CDH12: variants seen among roughly 807,000 people sequenced by gnomAD.
The protein encoded by CDH12 is cadherin-12.
CDH12 carries 41 observed loss-of-function variants against 74.1 expected under a neutral mutation model. That is an observed-to-expected ratio of 0.55 (90% CI 0.43 to 0.72). The LOEUF (loss-of-function observed/expected upper bound fraction) is 0.72, where lower values mean the gene tolerates loss of function less well. Among genes scored for constraint, CDH12 ranks in the 30% least tolerant of loss-of-function variants. The pLI, the probability that CDH12 is intolerant of heterozygous loss-of-function variation, is 0.00. For missense variants in CDH12, 945 were observed against 977.2 expected, an observed-to-expected ratio of 0.97 and a Z score of 0.44; for synonymous variants, 399 against 355.0, an observed-to-expected ratio of 1.12 and a Z score of -1.39.
chr5:22,212,834 G>GCAACACACGCCGAGGGTTGGTGGGTCTCC lies in CDH12; in HGVS notation c.-332-220_-332-192dup, dbSNP rs1163994546. The GCAACACACGCCGAGGGTTGGTGGGTCTCC allele has an allele frequency of 9.0e-5, 14 of 155,350 alleles. No individual in the cohort carries two copies. The East Asian group carries it at 2.7e-3, about 30-fold the overall frequency. 9.6% of individuals were successfully genotyped at this position (155,350 alleles called of 1,614,324 possible). On this transcript the variant is annotated intron_variant, in intron 3 of 14. Transcript: ENST00000382254. ...TAGCAAGAACGCTCCGGGTGCGCAGGCAACACACGCCGAGGGTTGGTGGGT... is the reference window on the plus strand; with the variant it reads ...TAGCAAGAACGCTCCGGGTGCGCAGGCAACACACGCCGAGGGTTGGTGGGTCTCCCAACACACGCCGAGGGTTGGTGGGT...
chr5:22,722,571 T>A (rs991504952), intron 1 of CDH12, among the ~76,000 whole-genome samples: 1 of 152,170 alleles, frequency 6.6e-6, no homozygotes, highest in Non-Finnish European at 1.5e-5. Flanking sequence ...AGCCTACAAT[T>A]GATTTAAATA....
intron 6 of CDH12, among the ~76,000 whole-genome samples, chr5:21,924,239 T>C (rs1331466292): frequency 5.9e-5 from 9 of 152,182 alleles, no homozygotes; most frequent in Non-Finnish European, 1.0e-4. Flanking sequence ...TTTAAATTAC[T>C]AGCTGTGGCC....
rs10473595 is a variant in CDH12 at position 22,498,923 on chromosome 5, T to A, written c.-428+6347A>T. The stretch of plus-strand genomic sequence containing the variant: ...TTTCTTTTTTTTTTTTTTTTTTTTG[T>A]GACGTAGTCTTGCCCTGACACCCAG... On this transcript the variant is annotated intron_variant, in intron 2 of 14. Coordinates refer to ENST00000382254, the MANE Select transcript of CDH12 (RefSeq NM_004061.5). 7.1e-5 allele frequency among the ~76,000 whole-genome samples: 3 copies of A among 42,396 alleles called. No individual in the cohort carries two copies. The South Asian group carries it at 2.1e-3, about 30-fold the overall frequency. 27.8% of individuals were successfully genotyped at this position (42,396 alleles called of 152,430 possible).
intron 6 of CDH12, among the ~76,000 whole-genome samples, chr5:21,933,444 T>A (rs953364885): frequency 6.6e-5 from 10 of 152,130 alleles, no homozygotes; most frequent in African/African-American, 2.4e-4. Flanking sequence ...GTAAATCAGG[T>A]TTATAATAAA....
intron 1 of CDH12, among the ~76,000 whole-genome samples, chr5:22,726,790 C>CA (rs945234741): frequency 6.6e-6 from 1 of 151,530 alleles, no homozygotes; most frequent in African/African-American, 2.4e-5. Context: ...TCTTCCTGGA[C>CA]AAAAAAATAA....
chr5:22,579,038 G>A (rs1739943193), intron 1 of CDH12, among the ~76,000 whole-genome samples: 1 of 152,064 alleles, frequency 6.6e-6, no homozygotes, highest in Non-Finnish European at 1.5e-5. Flanking sequence ...AAAGGCCTAC[G>A]ACTTCTATCA....
chr5:22,483,770 A>ATATATATATATATATATATATAGATATAT (rs1400461763), intron 2 of CDH12, among the ~76,000 whole-genome samples: 1 of 101,028 alleles, frequency 9.9e-6, no homozygotes, highest in Non-Finnish European at 2.0e-5. Context: ...ATATAAATTT[A>ATATATATATATATATATATATAGATATAT]ATTAATTGGG....
rs1398117629 is a variant in CDH12 at position 22,027,422 on chromosome 5, C to T, written c.231+51024G>A. ...TCCTCCTTGTACCTCTGGTAGAATT[C>T]GGCTGTAAATCCATCTGGTCCTGGA... On this transcript the variant is annotated intron_variant, in intron 5 of 14. Coordinates refer to ENST00000382254, the MANE Select transcript of CDH12 (RefSeq NM_004061.5). Among the ~76,000 whole-genome samples the T allele has an allele frequency of 3.3e-5, 5 of 152,096 alleles. No homozygotes were observed. The East Asian group carries it at 5.8e-4, about 18-fold the overall frequency.
chr5:22,481,299 A>G (rs1746373090), intron 2 of CDH12, among the ~76,000 whole-genome samples: 1 of 152,220 alleles, frequency 6.6e-6, no homozygotes. Context: ...GCGTTTTCTT[A>G]AAAATTAAAA....
At chr5:22,667,995 A>C (rs1487410) in intron 1 of CDH12, among the ~76,000 whole-genome samples, 103,919 of 151,984 alleles carry the variant, frequency 0.68, 35,700 homozygotes, top group Admixed American at 0.74. Context: ...GAAAAGAAAA[A>C]CATAATTCCT....
At chr5:22,370,656 A>G (rs2126341531) in intron 3 of CDH12, among the ~76,000 whole-genome samples, 1 of 152,288 alleles carries the variant, frequency 6.6e-6, no homozygotes, top group Admixed American at 6.5e-5. Context: ...ATATGCCTAG[A>G]CATGTGTTAG....
intron 1 of CDH12, among the ~76,000 whole-genome samples, chr5:22,847,574 T>A (rs1737362889): frequency 6.6e-6 from 1 of 152,200 alleles, no homozygotes; most frequent in South Asian, 2.1e-4. Context: ...GTTTTCAACA[T>A]TTACTGAGCA....
intron 6 of CDH12, among the ~76,000 whole-genome samples, chr5:21,857,760 G>T (rs1476654114): frequency 1.3e-5 from 2 of 151,944 alleles, no homozygotes; most frequent in Admixed American, 1.3e-4. Flanking sequence ...TTTGGATATT[G>T]TATTGGTCAG....
chr5:22,586,344 G>C (rs1482444589), intron 1 of CDH12, among the ~76,000 whole-genome samples: 8 of 151,954 alleles, frequency 5.3e-5, no homozygotes, highest in Non-Finnish European at 8.8e-5. Flanking sequence ...GTTGTGGGGT[G>C]GGGGGAGTGA....
intron 6 of CDH12, among the ~76,000 whole-genome samples, chr5:21,932,580 C>G (rs1296566088): frequency 6.6e-6 from 1 of 151,926 alleles, no homozygotes; most frequent in Non-Finnish European, 1.5e-5. Flanking sequence ...AATTGCACAT[C>G]ATTCAAAAAA....
At chr5:21,880,572 T>TTTCTTTCTTTCCTTCCTTCC (rs1752224436) in intron 6 of CDH12, among the ~76,000 whole-genome samples, 1 of 12,910 alleles carries the variant, frequency 7.7e-5, no homozygotes, top group African/African-American at 1.5e-4. Context: ...CCCTTCTTTC[T>TTTCTTTCTTTCCTTCCTTCC]TTCCTTCCTT....
At chr5:22,092,883 A>C (rs1195262255) in intron 4 of CDH12, among the ~76,000 whole-genome samples, 1 of 152,190 alleles carries the variant, frequency 6.6e-6, no homozygotes, top group African/African-American at 2.4e-5. Context: ...GATGAACAAA[A>C]TCTCATATAT....
rs950449425 is a variant in CDH12, at chr5:22,188,084, C to A, written c.-187+24414G>T. ...CAAAGTGCATTTTGAAATTTGATTC[C>A]CAGCATGTAGGTGTTGGGAGGTGGG... On this transcript the variant is annotated intron_variant, in intron 4 of 14. Coordinates refer to ENST00000382254, the MANE Select transcript of CDH12 (RefSeq NM_004061.5). Among the ~76,000 whole-genome samples, 117 of 150,102 alleles carry A rather than the reference C, an allele frequency of 7.8e-4. 1 individual carries two copies. The highest frequency in any genetic ancestry group is 2.8e-3 in the African/African-American group (113 of 40,754).
At chr5:22,381,397 C>A (rs756989383) in intron 3 of CDH12, among the ~76,000 whole-genome samples, 21 of 152,138 alleles carry the variant, frequency 1.4e-4, no homozygotes, top group Non-Finnish European at 2.9e-4. Flanking sequence ...GTTAATGAAA[C>A]AAATATAAGT....
Sources: allele counts gnomAD v4.1 joint callset (sites outside exome capture counted in the v4.1 genomes callset), GRCh38; gene constraint gnomAD v4.1.1; transcripts MANE v1.5; gene names NCBI Gene and HGNC (gene_info 2026-07-23, HGNC 2026-07-21).